FNTB: variants seen among roughly 807,000 people sequenced by gnomAD.
The protein encoded by FNTB is farnesyltransferase, CAAX box, subunit beta.
In FNTB, 27 loss-of-function variants were observed where a neutral mutation model predicts 59.4. The observed-to-expected ratio is 0.45, with a 90% CI of 0.34 to 0.63. FNTB has a LOEUF of 0.63. FNTB is among the 20% of genes least tolerant of loss of function. The pLI, the probability that FNTB is intolerant of heterozygous loss-of-function variation, is 0.02. For missense variants in FNTB, 449 were observed against 559.6 expected, an observed-to-expected ratio of 0.80 and a Z score of 1.99; for synonymous variants, 230 against 220.7, an observed-to-expected ratio of 1.04 and a Z score of -0.37.
rs1317639266 is a variant in FNTB at position 65,009,618 on chromosome 14, TC to T, written c.210-2697del. Among the ~76,000 whole-genome samples the T allele has an allele frequency of 6.6e-6, 1 of 152,158 alleles. No individual in the cohort carries two copies. Among genetic ancestry groups the T allele is most frequent in the African/African-American group, 2.4e-5 (1 of 41,408 alleles). The stretch of plus-strand genomic sequence containing the variant: ...TACTATACCCTCATCCCAGCCCTCC[TC>T]CATCCTCTTTACAGACCTTCCCTAT... On this transcript the variant is annotated intron_variant, in intron 2 of 11. Transcript: ENST00000246166. This position sits in a 1 kb window ranked among gnomAD's most constrained non-coding sequence, Gnocchi z 4.2.
rs544633798 is a variant in FNTB at position 64,997,212 on chromosome 14, A to C, written c.145-7037A>C. Among the ~76,000 whole-genome samples the C allele has an allele frequency of 3.9e-5, 6 of 152,312 alleles. No homozygotes were observed. The highest frequency in any genetic ancestry group is 1.3e-4 in the Admixed American group (2 of 15,306). On this transcript the variant is annotated intron_variant, in intron 1 of 11. Transcript: ENST00000246166. This position sits in a 1 kb window ranked among gnomAD's most constrained non-coding sequence, Gnocchi z 4.5. ...AGGTCACAAGATTTAGAGCTTTCTC[A>C]ATTACTCCTGTAGATAACATCCCAA...
In FNTB at chr14:65,054,285, A is replaced by G. The variant is rs1213941951; in HGVS notation, c.1068-290A>G. ...CGGCCACCACACCTAGCTAATTTTTAATTTTTTGTAGAGACGGGGTCTCCC... is the reference window on the plus strand; with the variant it reads ...CGGCCACCACACCTAGCTAATTTTTGATTTTTTGTAGAGACGGGGTCTCCC... On this transcript the variant is annotated intron_variant, in intron 10 of 11. Transcript: ENST00000246166. This position sits in a 1 kb window ranked among gnomAD's most constrained non-coding sequence, Gnocchi z 4.4. Among the ~76,000 whole-genome samples the G allele has an allele frequency of 6.6e-6, 1 of 151,782 alleles. No homozygotes were observed. The highest frequency in any genetic ancestry group is 1.5e-5 in the Non-Finnish European group (1 of 67,960).
chr14:64,986,989 T>C lies in FNTB; in HGVS notation c.36T>C (p.Pro12=), dbSNP rs141330083. ...CGAGTTCTTTCACCTACTATTGCCC[T>C]CCATCTTCCTCCCCCGTCTGGTCAG... The part of the protein sequence containing the change: ...ASPSSFTYYC[P]PSSSPVWSEP... Residue 12 remains proline, a synonymous_variant, in exon 1 of 12, where the codon CCT becomes CCC. Coordinates refer to ENST00000246166, the MANE Select transcript of FNTB (RefSeq NM_002028.4). 11 of 1,614,088 alleles carry C rather than the reference T, an allele frequency of 6.8e-6. No individual in the cohort carries two copies. In the African/African-American group the frequency reaches 1.2e-4, roughly 18 times the overall value.
chr14:65,053,329 G>C lies in FNTB; in HGVS notation c.1047G>C (p.Gly349=). 2 of 1,447,818 alleles carry C rather than the reference G, an allele frequency of 1.4e-6. No homozygotes were observed. The highest frequency in any genetic ancestry group is 1.8e-6 in the Non-Finnish European group (2 of 1,095,014). The allele number at this position is 1,447,818 out of a possible 1,614,324, so 89.7% of individuals were successfully genotyped here. ...TGTGCTGCCAGTGCCCTGCGGGGGGGCTTCTGGATAAACCTGGCAAGTGAG... is the reference window on the plus strand; with the variant it reads ...TGTGCTGCCAGTGCCCTGCGGGGGGCCTTCTGGATAAACCTGGCAAGTGAG... ...ILMCCQCPAG[G]LLDKPGKSRD... is the part of the protein sequence containing the mutation. The change falls in exon 10 of 12, where the codon GGG becomes GGC. Residue 349 remains glycine (G), a synonymous_variant. Transcript: ENST00000246166.
rs755265949 is a variant in FNTB at position 65,061,180 on chromosome 14, G to A, written c.1183-1G>A. The stretch of plus-strand genomic sequence containing the variant: ...ACTGGCACCTTTTCTTCTCTTTGCA[G>A]CAGCCCACTCACCCAGTGTACAACA... On this transcript the variant is annotated splice_acceptor_variant, in intron 11 of 11. Transcript: ENST00000246166. LOFTEE classifies it high-confidence loss of function. 1.9e-6 allele frequency: 3 copies of A among 1,613,954 alleles called. No individual in the cohort carries two copies. Among genetic ancestry groups the A allele is most frequent in the Non-Finnish European group, 1.7e-6 (2 of 1,179,906 alleles).
chr14:65,045,418 C>A (rs563451844), intron 9 of FNTB, among the ~76,000 whole-genome samples: 4 of 143,910 alleles, frequency 2.8e-5, no homozygotes, highest in South Asian at 5.0e-4. Context: ...CGTCTTCCCC[C>A]CTCCCCGCCG....
At chr14:65,040,494 A>G (rs886944106) in intron 7 of FNTB, among the ~76,000 whole-genome samples, 4 of 151,904 alleles carry the variant, frequency 2.6e-5, no homozygotes, top group African/African-American at 9.7e-5. Flanking sequence ...GGGCTGGAGC[A>G]CAATGGTGTG....
intron 9 of FNTB, among the ~76,000 whole-genome samples, chr14:65,049,786 T>C (rs893859949): frequency 6.6e-6 from 1 of 152,162 alleles, no homozygotes; most frequent in South Asian, 2.1e-4. Context: ...TATGCTTTTT[T>C]AAATAATAGC....
chr14:65,002,886 T>G (rs1199165916), intron 1 of FNTB, among the ~76,000 whole-genome samples: 4 of 152,192 alleles, frequency 2.6e-5, no homozygotes, highest in South Asian at 4.1e-4. Context: ...TCAAACTGAT[T>G]GCTGGACTTC....
At chr14:65,004,415 C>A in intron 2 of FNTB, 102 bp downstream of exon 2, 1 of 1,248,388 alleles carries the variant, frequency 8.0e-7, no homozygotes, top group Non-Finnish European at 1.1e-6. Context: ...GGAGCATCTG[C>A]TGCAAGAATG....
intron 1 of FNTB, among the ~76,000 whole-genome samples, chr14:64,995,540 G>C (rs933998392): frequency 6.6e-6 from 1 of 151,906 alleles, no homozygotes; most frequent in Non-Finnish European, 1.5e-5. Context: ...GGATTTTTCA[G>C]CTCCATCATA....
intron 9 of FNTB, among the ~76,000 whole-genome samples, chr14:65,045,263 C>G (rs1264664368): frequency 2.0e-5 from 3 of 152,128 alleles, no homozygotes; most frequent in Non-Finnish European, 4.4e-5. Context: ...GGTTGCTGAT[C>G]TGTTTTTGGA....
intron 4 of FNTB, among the ~76,000 whole-genome samples, chr14:65,019,090 TTGA>T (rs2061837269): frequency 5.3e-5 from 8 of 152,174 alleles, no homozygotes; most frequent in Admixed American, 4.6e-4. Context: ...GGAGACTCGC[TTGA>T]ACCCGGGAGG....
At chr14:65,052,918 C>G (rs2062647200) in intron 9 of FNTB, among the ~76,000 whole-genome samples, 1 of 152,120 alleles carries the variant, frequency 6.6e-6, no homozygotes, top group Admixed American at 6.5e-5. Flanking sequence ...CGAGGTCAGT[C>G]TGGGAAGGTA....
intron 4 of FNTB, among the ~76,000 whole-genome samples, chr14:65,018,097 T>A (rs2061814297): frequency 6.6e-6 from 1 of 152,146 alleles, no homozygotes; most frequent in South Asian, 2.1e-4. Flanking sequence ...ACCCCAGCAC[T>A]TTGGGAGGCC....
At position 65,012,432 on chromosome 14, in the gene FNTB, C is replaced by T; in HGVS notation, c.282+43C>T. 1 of 1,610,450 alleles carries T rather than the reference C, an allele frequency of 6.2e-7. No individual in the cohort carries two copies. Among genetic ancestry groups the T allele is most frequent in the Non-Finnish European group, 8.5e-7 (1 of 1,176,966 alleles). On this transcript the variant is annotated intron_variant, in intron 3 of 11. Coordinates refer to ENST00000246166, the MANE Select transcript of FNTB (RefSeq NM_002028.4). This position sits in a 1 kb window ranked among gnomAD's most constrained non-coding sequence, Gnocchi z 5.0. Reference sequence around the variant, plus strand: ...GAACTCTTGCTGTCAAATTATCCACCAAATCCTCCTCCTTTTTCTATTTAA... The same window carrying T: ...GAACTCTTGCTGTCAAATTATCCACTAAATCCTCCTCCTTTTTCTATTTAA...
At chr14:65,038,608 C>T (rs1038972961) in intron 7 of FNTB, among the ~76,000 whole-genome samples, 2 of 151,920 alleles carry the variant, frequency 1.3e-5, no homozygotes, top group Admixed American at 6.6e-5. Context: ...ATCCCACGTA[C>T]TCAGGAGGCT....
At position 64,991,446 on chromosome 14, in the gene FNTB, A is replaced by G. The variant is rs1888193897; in HGVS notation, c.144+4349A>G. On this transcript the variant is annotated intron_variant, in intron 1 of 11. Coordinates refer to ENST00000246166, the MANE Select transcript of FNTB (RefSeq NM_002028.4). The surrounding 1 kb of genome is among the most constrained non-coding windows in gnomAD (Gnocchi z 4.4). ...GTGAAACCTCATCTCTACTAAAAAA[A>G]TACAAAAATTAGCTAGGCGTGGTGG... Among the ~76,000 whole-genome samples the G allele has an allele frequency of 6.6e-6, 1 of 152,118 alleles. No homozygotes were observed. The highest frequency in any genetic ancestry group is 1.5e-5 in the Non-Finnish European group (1 of 68,016).
rs1234783750 is a variant in FNTB at position 65,031,807 on chromosome 14, G to C, written c.606-803G>C. ...ATGGTGGCATGCGCCTGTAATCCCA[G>C]CTACTTGGGAGGCTGATACAGGAGA... On this transcript the variant is annotated intron_variant, in intron 6 of 11. Transcript: ENST00000246166. The surrounding 1 kb of genome is among the most constrained non-coding windows in gnomAD (Gnocchi z 4.6). 6.6e-6 allele frequency among the ~76,000 whole-genome samples: 1 copy of C among 152,048 alleles called. No homozygotes were observed. The highest frequency in any genetic ancestry group is 2.4e-5 in the African/African-American group (1 of 41,446).
Sources: allele counts gnomAD v4.1 joint callset (sites outside exome capture counted in the v4.1 genomes callset), GRCh38; gene constraint gnomAD v4.1.1; non-coding constraint Gnocchi (gnomAD v3.1); transcripts MANE v1.5; gene names NCBI Gene and HGNC (gene_info 2026-07-23, HGNC 2026-07-21).